Variants in EXOC2 observed in about 807,000 individuals in gnomAD.
EXOC2 encodes SEC5-like 1.
EXOC2 carries 70 observed loss-of-function variants against 131.8 expected under a neutral mutation model. The ratio of observed to expected loss-of-function variants is 0.53; its 90% CI spans 0.44 to 0.65. EXOC2 has a LOEUF of 0.65. EXOC2 is among the 30% of genes least tolerant of loss of function. The pLI is 0.00. For synonymous variants in EXOC2, 411 were observed against 398.4 expected (o/e 1.03, Z -0.38); for missense variants, 923 against 1,108.6 (o/e 0.83, Z 2.38).
chr6:491,061 A>AATTGACT, intron 26 of EXOC2, 64 bp downstream of exon 26: 2 of 1,523,230 alleles, frequency 1.3e-6, no homozygotes, highest in Non-Finnish European at 1.8e-6. Flanking sequence ...CAGAGGACAG[A>AATTGACT]ATTGACTAGT....
intron 1 of EXOC2, among the ~76,000 whole-genome samples, chr6:641,910 A>G (rs1028627087): frequency 5.3e-5 from 8 of 152,056 alleles, no homozygotes; most frequent in Admixed American, 5.2e-4. Context: ...GAGCTAATCA[A>G]TATTATCCCT....
intron 23 of EXOC2, among the ~76,000 whole-genome samples, chr6:500,155 C>A (rs1338906095): frequency 6.6e-6 from 1 of 152,114 alleles, no homozygotes; most frequent in Non-Finnish European, 1.5e-5. Flanking sequence ...GGGTGTTTAA[C>A]AATGCTTATA....
intron 17 of EXOC2, among the ~76,000 whole-genome samples, chr6:557,232 G>A (rs993586215): frequency 6.6e-6 from 1 of 152,118 alleles, no homozygotes; most frequent in African/African-American, 2.4e-5. Flanking sequence ...GTATATTTCA[G>A]GCAGAAGACA....
intron 4 of EXOC2, among the ~76,000 whole-genome samples, chr6:623,039 C>T (rs993811774): frequency 1.3e-5 from 2 of 152,226 alleles, no homozygotes; most frequent in Non-Finnish European, 2.9e-5. Flanking sequence ...TCAGAAGGAG[C>T]AGGGATGGGT....
chr6:630,647 T>A (rs971012481), intron 3 of EXOC2, among the ~76,000 whole-genome samples: 1 of 152,238 alleles, frequency 6.6e-6, no homozygotes, highest in Non-Finnish European at 1.5e-5. Context: ...TTATTTTCTT[T>A]TCCTCTACAA....
intron 11 of EXOC2, among the ~76,000 whole-genome samples, chr6:581,453 T>G (rs1392045249): frequency 6.6e-6 from 1 of 152,208 alleles, no homozygotes; most frequent in Non-Finnish European, 1.5e-5. Flanking sequence ...TTGTAATCTC[T>G]CAACATTACC....
chr6:606,451 AAAT>A (rs879844522), intron 7 of EXOC2, among the ~76,000 whole-genome samples: 1 of 149,634 alleles, frequency 6.7e-6, no homozygotes, highest in Non-Finnish European at 1.5e-5. Context: ...ACAAGAAAAA[AAAT>A]AAAAAATAAA....
chr6:541,029 C>T (rs1299619678), intron 22 of EXOC2, among the ~76,000 whole-genome samples: 3 of 152,154 alleles, frequency 2.0e-5, no homozygotes, highest in African/African-American at 4.8e-5. Context: ...GTATCCAAAA[C>T]GTAAGGACAC....
intron 1 of EXOC2, among the ~76,000 whole-genome samples, chr6:689,460 C>T (rs949285682): frequency 3.9e-5 from 6 of 152,218 alleles, no homozygotes; most frequent in Admixed American, 1.3e-4. Flanking sequence ...AATGCACTCA[C>T]TTACCAGCCC....
At chr6:518,786 T>A (rs115168308) in intron 23 of EXOC2, among the ~76,000 whole-genome samples, 1 of 152,182 alleles carries the variant, frequency 6.6e-6, no homozygotes, top group Non-Finnish European at 1.5e-5. Flanking sequence ...ATTATACTCC[T>A]TTAGAAAATG....
intron 1 of EXOC2, chr6:656,551 G>C: frequency 6.3e-7 from 1 of 1,598,718 alleles, no homozygotes; most frequent in South Asian, 1.1e-5. Flanking sequence ...CGCACGGGCA[G>C]ATCGTGCACC....
At chr6:656,884 C>T (rs140630904) in intron 1 of EXOC2, 48 of 1,600,280 alleles carry the variant, frequency 3.0e-5, no homozygotes, top group Non-Finnish European at 3.6e-5. Context: ...GCGACGGTGC[C>T]GCTGACGTGA....
At chr6:582,315 G>A (rs1203453038) in intron 11 of EXOC2, among the ~76,000 whole-genome samples, 2 of 152,062 alleles carry the variant, frequency 1.3e-5, no homozygotes, top group African/African-American at 4.8e-5. Flanking sequence ...TGCAGACACG[G>A]AGCCAGGTGA....
At position 693,106 on chromosome 6, in the gene EXOC2, C is replaced by T. The variant is rs1765031087; in HGVS notation, c.-131G>A. The T allele has an allele frequency of 6.6e-6, 1 of 152,420 alleles. No individual in the cohort carries two copies. The highest frequency in any genetic ancestry group is 2.1e-4 in the South Asian group (1 of 4,844). The allele number at this position is 152,420 out of a possible 1,614,324, so 9.4% of individuals were successfully genotyped here. On this transcript the variant is annotated 5_prime_UTR_variant, in exon 1 of 28. It adds an upstream start codon to the 5' untranslated region. Coordinates refer to ENST00000230449, the MANE Select transcript of EXOC2 (RefSeq NM_018303.6). ...ACTCCGCGGCCGCCAGCCGCCGGCA[C>T]CTCACTTCCGCCCGCCGCGAGCGCC...
intron 1 of EXOC2, among the ~76,000 whole-genome samples, chr6:688,213 T>C (rs1764754767): frequency 6.6e-6 from 1 of 152,192 alleles, no homozygotes; most frequent in Non-Finnish European, 1.5e-5. Context: ...AGCGTGAAAA[T>C]GCTGAAAAGT....
intron 23 of EXOC2, among the ~76,000 whole-genome samples, chr6:512,296 CCT>C (rs1384766235): frequency 6.6e-6 from 1 of 152,228 alleles, no homozygotes; most frequent in African/African-American, 2.4e-5. Flanking sequence ...CTCTGCTGCC[CCT>C]GACACAGCTA....
intron 13 of EXOC2, among the ~76,000 whole-genome samples, chr6:570,492 A>C (rs907739349): frequency 2.0e-5 from 3 of 151,926 alleles, no homozygotes; most frequent in Admixed American, 6.6e-5. Context: ...ATTCAATTCT[A>C]CTCCAGCAGT....
intron 4 of EXOC2, among the ~76,000 whole-genome samples, chr6:627,081 C>T (rs1317449485): frequency 1.3e-5 from 2 of 152,054 alleles, no homozygotes; most frequent in Non-Finnish European, 2.9e-5. Flanking sequence ...CCATCCTCTA[C>T]CAAAGCCTTC....
chr6:678,363 A>G (rs975577440), intron 1 of EXOC2, among the ~76,000 whole-genome samples: 84 of 152,226 alleles, frequency 5.5e-4, no homozygotes, highest in African/African-American at 2.0e-3. Flanking sequence ...ATTAAATGGA[A>G]TCATGTGTAC....
Sources: gnomAD v4.1 joint callset for allele counts (sites outside exome capture counted in the v4.1 genomes callset) on GRCh38, gnomAD v4.1.1 for gene constraint, MANE v1.5 for transcripts, NCBI Gene and HGNC (gene_info 2026-07-23, HGNC 2026-07-21) for gene names.